Variants in CFL1 observed in about 807,000 individuals in gnomAD.
CFL1 encodes the protein cofilin-1.
CFL1 carries 2 observed loss-of-function variants against 16.3 expected under a neutral mutation model. The ratio of observed to expected loss-of-function variants is 0.12; its 90% CI spans 0.05 to 0.39. The LOEUF (loss-of-function observed/expected upper bound fraction) is 0.39. Among genes scored for constraint, CFL1 ranks in the 10% least tolerant of loss-of-function variants. CFL1 has a pLI of 0.99. For synonymous variants in CFL1, 111 were observed against 84.4 expected (o/e 1.31, Z -1.73); for missense variants, 75 against 212.2 (o/e 0.35, Z 4.02).
In CFL1 at chr11:65,856,260, T is replaced by C; in HGVS notation, c.4-18A>G. On this transcript the variant is annotated intron_variant, in intron 1 of 3. Coordinates refer to ENST00000308162, the MANE Select transcript of CFL1 (RefSeq NM_005507.3). ...CCGGAGGCCTAGGAGACATGCCACG[T>C]ATACGTCAAGAAAAGGATTCTAGGG... The C allele has an allele frequency of 6.2e-7, 1 of 1,605,188 alleles. No individual in the cohort carries two copies. Among genetic ancestry groups the C allele is most frequent in the Non-Finnish European group, 8.5e-7 (1 of 1,173,498 alleles).
In CFL1 at chr11:65,855,740, A is replaced by C. The variant is rs1175383364; in HGVS notation, c.312-10T>G. The C allele has an allele frequency of 2.0e-6, 3 of 1,534,448 alleles. No homozygotes were observed. The African/African-American group carries it at 4.2e-5, about 21-fold the overall frequency. Reference sequence around the variant, plus strand: ...CGCAGACTCGGGGGCCCTGGACAGAAACACGCGTCAGGCAACTCCCAGCAA... The same window carrying C: ...CGCAGACTCGGGGGCCCTGGACAGACACACGCGTCAGGCAACTCCCAGCAA... On this transcript the variant is annotated splice_polypyrimidine_tract_variant and intron_variant, in intron 2 of 3. Transcript: ENST00000308162.
intron 1 of CFL1, chr11:65,857,328 CG>C (rs1212455533): frequency 2.9e-6 from 1 of 347,564 alleles, no homozygotes; most frequent in Non-Finnish European, 5.9e-6. Flanking sequence ...CAGGCCCATC[CG>C]GGAAGGCCTC....
At position 65,856,053 on chromosome 11, in the gene CFL1, C is replaced by A; in HGVS notation, c.193G>T (p.Asp65Tyr). The part of the protein sequence containing the change: ...ILVGDVGQTV[D>Y]DPYATFVKML... The stretch of plus-strand genomic sequence containing the variant: ...TTGACAAAGGTGGCGTAGGGGTCGT[C>A]GACAGTCTGGCCCACATCGCCCACC... Residue 65 changes from aspartate to tyrosine, a missense_variant, in exon 2 of 4, where the codon GAC (aspartate) becomes TAC (tyrosine). Physicochemically the swap from Asp to Tyr is radical, Grantham distance 160 (BLOSUM62 -3). Coordinates refer to ENST00000308162, the MANE Select transcript of CFL1 (RefSeq NM_005507.3). The A allele has an allele frequency of 6.2e-7, 1 of 1,614,148 alleles. No individual in the cohort carries two copies. The highest frequency in any genetic ancestry group is 8.5e-7 in the Non-Finnish European group (1 of 1,180,030).
At chr11:65,857,481 C>T in intron 1 of CFL1, 1 of 395,878 alleles carries the variant, frequency 2.5e-6, no homozygotes, top group Admixed American at 2.6e-5. Context: ...GCGGTCTCTG[C>T]GATGCCCCCT....
chr11:65,855,284 C>G lies in CFL1; in HGVS notation c.*52G>C. 1 of 1,497,930 alleles carries G rather than the reference C, an allele frequency of 6.7e-7. No homozygotes were observed. Among genetic ancestry groups the G allele is most frequent in the Admixed American group, 1.7e-5 (1 of 59,660 alleles). The allele number at this position is 1,497,930 out of a possible 1,614,324, so 92.8% of individuals were successfully genotyped here. A position where few individuals can be genotyped will look rare whatever the true frequency, so the allele number is the denominator to read the frequency against. ...CAGGAAGGGGGCAGCCTGCAACCCC[C>G]AAGGGCAGGTGTGGGGCTGCCAGAT... On this transcript the variant is annotated 3_prime_UTR_variant, in exon 4 of 4. Transcript: ENST00000308162.
rs923224363 is a variant in CFL1 at position 65,855,034 on chromosome 11, ATGT to A, written c.*299_*301del. 4 of 361,982 alleles carry A rather than the reference ATGT, an allele frequency of 1.1e-5. No homozygotes were observed. The highest frequency in any genetic ancestry group is 4.2e-5 in the African/African-American group (2 of 47,896). The allele number at this position is 361,982 out of a possible 1,614,324, so 22.4% of individuals were successfully genotyped here. On this transcript the variant is annotated 3_prime_UTR_variant, in exon 4 of 4. Transcript: ENST00000308162. Reference sequence around the variant, plus strand: ...GGGGAGGACCAGGTGGGGAATGGGGATGTTGTTAAAAAAAATACAGGCTCCCCC... The same window carrying A: ...GGGGAGGACCAGGTGGGGAATGGGGATGTTAAAAAAAATACAGGCTCCCCC...
intron 1 of CFL1, chr11:65,857,367 C>T (rs1859406374): frequency 5.0e-6 from 2 of 400,894 alleles, no homozygotes; most frequent in South Asian, 1.7e-5. Flanking sequence ...GCACCGGCGG[C>T]CGGGCCTGAG....
Position 65,855,951 on chromosome 11 carries a change from G to A in CFL1, c.295C>T (p.Leu99=), listed in dbSNP as rs773034551. 8 of 1,611,794 alleles carry A rather than the reference G, an allele frequency of 5.0e-6. No homozygotes were observed. The highest frequency in any genetic ancestry group is 1.7e-4 in the Middle Eastern group (1 of 6,054). The change falls in exon 2 of 4, where the codon CTG becomes TTG. Residue 99 remains leucine (L), a synonymous_variant. Transcript: ENST00000308162. ...TGAGCTCACCAGAAGATAAACACCA[G>A]ATCCTCCTTCTTGCTCTCCTTGGTC... The part of the protein sequence containing the change: ...YETKESKKED[L]VFIFWAPESA...
rs11550148 is a variant in CFL1, at chr11:65,856,054, G to A, written c.192C>T (p.Val64=). 4.0e-5 allele frequency: 64 copies of A among 1,614,010 alleles called. No homozygotes were observed. The highest frequency in any genetic ancestry group is 5.5e-5 in the South Asian group (5 of 91,082). The change falls in exon 2 of 4, where the codon GTC becomes GTT. Residue 64 remains valine (V), a synonymous_variant. Coordinates refer to ENST00000308162, the MANE Select transcript of CFL1 (RefSeq NM_005507.3). ...EILVGDVGQT[V]DDPYATFVKM... The stretch of plus-strand genomic sequence containing the variant: ...TGACAAAGGTGGCGTAGGGGTCGTC[G>A]ACAGTCTGGCCCACATCGCCCACCA...
At chr11:65,856,588 A>G (rs1252038571) in intron 1 of CFL1, 1 of 273,390 alleles carries the variant, frequency 3.7e-6, no homozygotes, top group African/African-American at 2.2e-5. Context: ...CAGCCTTTGG[A>G]TAAAACTGGT....
Position 65,856,005 on chromosome 11 carries a change from G to A in CFL1, c.241C>T (p.Arg81Cys). The part of the protein sequence containing the change: ...FVKMLPDKDC[R>C]YALYDATYET... ...TAGGTTGCATCATAGAGGGCATAGC[G>A]GCAGTCCTTATCTGGCAGCATCTTG... The change falls in exon 2 of 4, where the codon CGC (arginine) becomes TGC (cysteine). Residue 81 changes from arginine to cysteine, a missense_variant. Physicochemically the swap from Arg to Cys is radical, Grantham distance 180. Coordinates refer to ENST00000308162, the MANE Select transcript of CFL1 (RefSeq NM_005507.3). The A allele has an allele frequency of 1.2e-6, 2 of 1,614,096 alleles. No individual in the cohort carries two copies. Among genetic ancestry groups the A allele is most frequent in the Non-Finnish European group, 8.5e-7 (1 of 1,180,016 alleles).
chr11:65,855,583 G>A lies in CFL1; in HGVS notation c.388+71C>T, dbSNP rs187956339. On this transcript the variant is annotated intron_variant, in intron 3 of 3. Coordinates refer to ENST00000308162, the MANE Select transcript of CFL1 (RefSeq NM_005507.3). ...GAAGACAAGGGGGCAGACCCCCTCT[G>A]CGTGCCATTCACCCTGCCCTGCAGC... The A allele has an allele frequency of 1.1e-4, 172 of 1,546,648 alleles. No homozygotes were observed. The African/African-American group carries it at 1.9e-3, about 17-fold the overall frequency.
chr11:65,855,929 G>T lies in CFL1; in HGVS notation c.311+6C>A, dbSNP rs1247379926. 1 of 1,606,318 alleles carries T rather than the reference G, an allele frequency of 6.2e-7. No homozygotes were observed. Among genetic ancestry groups the T allele is most frequent in the Non-Finnish European group, 8.5e-7 (1 of 1,173,564 alleles). On this transcript the variant is annotated splice_donor_region_variant and intron_variant, in intron 2 of 3. Coordinates refer to ENST00000308162, the MANE Select transcript of CFL1 (RefSeq NM_005507.3). ...GTGACAGGAAGAAGTGCCAGAATGA[G>T]CTCACCAGAAGATAAACACCAGATC...
rs760700515 is a variant in CFL1 at position 65,855,455 on chromosome 11, AG to A, written c.389-8del. On this transcript the variant is annotated splice_region_variant and splice_polypyrimidine_tract_variant and intron_variant, in intron 3 of 3. Coordinates refer to ENST00000308162, the MANE Select transcript of CFL1 (RefSeq NM_005507.3). ...TGCAATTCATGCTTGATCCCTATAA[AG>A]AAGAAAGGGGAGCATCTGTGAGCAG... is the stretch of plus-strand genomic sequence containing the variant. 1.2e-5 allele frequency: 20 copies of A among 1,612,792 alleles called. No homozygotes were observed. In the African/African-American group the frequency reaches 2.7e-4, roughly 22 times the overall value.
intron 1 of CFL1, chr11:65,857,382 C>T: frequency 2.4e-6 from 1 of 420,200 alleles, no homozygotes; most frequent in Non-Finnish European, 4.9e-6. Context: ...CCTGAGCGTG[C>T]GCGCACGCGC....
Position 65,855,212 on chromosome 11 carries a change from G to C in CFL1, c.*124C>G. The C allele has an allele frequency of 1.4e-6, 1 of 727,948 alleles. No homozygotes were observed. Among genetic ancestry groups the C allele is most frequent in the Non-Finnish European group, 2.4e-6 (1 of 425,350 alleles). 45.1% of individuals were successfully genotyped at this position (727,948 alleles called of 1,614,324 possible). ...GGGTCTGTTTGGCAACTGGGGTGAA[G>C]GGATTGCCCTCCCCCTGCTGGGATC... is the stretch of plus-strand genomic sequence containing the variant. On this transcript the variant is annotated 3_prime_UTR_variant, in exon 4 of 4. Coordinates refer to ENST00000308162, the MANE Select transcript of CFL1 (RefSeq NM_005507.3).
At chr11:65,856,427 G>T in intron 1 of CFL1, 185 bp from the exon 2 acceptor site, 1 of 596,648 alleles carries the variant, frequency 1.7e-6, no homozygotes, top group Non-Finnish European at 3.0e-6. Flanking sequence ...GGCAGCCATG[G>T]CCTCTGATCA....
At position 65,855,024 on chromosome 11, in the gene CFL1, G is replaced by C. The variant is rs971936328; in HGVS notation, c.*312C>G. The stretch of plus-strand genomic sequence containing the variant: ...GCATGGGAAGGGGGAGGACCAGGTG[G>C]GGAATGGGGATGTTGTTAAAAAAAA... On this transcript the variant is annotated 3_prime_UTR_variant, in exon 4 of 4. Coordinates refer to ENST00000308162, the MANE Select transcript of CFL1 (RefSeq NM_005507.3). 1 of 343,054 alleles carries C rather than the reference G, an allele frequency of 2.9e-6. No homozygotes were observed. Among genetic ancestry groups the C allele is most frequent in the Non-Finnish European group, 5.6e-6 (1 of 178,128 alleles). 21.3% of individuals were successfully genotyped at this position (343,054 alleles called of 1,614,324 possible).
chr11:65,857,927 C>G, intron 1 of CFL1, 170 bp downstream of exon 1: 1 of 545,980 alleles, frequency 1.8e-6, no homozygotes, highest in Non-Finnish European at 2.8e-6. Flanking sequence ...CCCTCCCCGG[C>G]GCCCACGGGC....
Sources: gnomAD v4.1 joint callset for allele counts on GRCh38, gnomAD v4.1.1 for gene constraint, MANE v1.5 for transcripts, NCBI Gene and HGNC (gene_info 2026-07-23, HGNC 2026-07-21) for gene names.